Variants in PCDH9 observed in about 807,000 individuals in gnomAD.
PCDH9 encodes the protein protocadherin-9.
Under a neutral mutation model 70.6 loss-of-function variants are expected in PCDH9, and 24 were observed. That is an observed-to-expected ratio of 0.34 (90% CI 0.25 to 0.48). The LOEUF (loss-of-function observed/expected upper bound fraction) is 0.48. PCDH9 is among the 20% of genes least tolerant of loss of function. PCDH9 has a pLI of 0.99. For missense variants in PCDH9, 1,281 were observed against 1,503.6 expected (o/e 0.85, Z 2.45); for synonymous variants, 562 against 558.5 (o/e 1.01, Z -0.09).
chr13:66,569,511 T>A (rs2076702680), intron 4 of PCDH9, among the ~76,000 whole-genome samples: 1 of 152,210 alleles, frequency 6.6e-6, no homozygotes, highest in Admixed American at 6.5e-5. Flanking sequence ...AGTGTCATTA[T>A]ATGTCATTGT....
chr13:66,496,562 A>G (rs117266616), intron 4 of PCDH9, among the ~76,000 whole-genome samples: 5,099 of 152,278 alleles, frequency 0.033, 136 homozygotes, highest in South Asian at 0.11. Context: ...ATAAATAAAT[A>G]TTTTATGTGA....
rs562296607 is a variant in PCDH9, at chr13:66,951,790, C to T, written c.3037-48185G>A. ...GAGGGTAGTTTGGAGGTTACATGTT[C>T]CTTTCTTGATAACAACCTAATTTCC... On this transcript the variant is annotated intron_variant, in intron 2 of 4. Coordinates refer to ENST00000377865, the MANE Select transcript of PCDH9 (RefSeq NM_203487.3). Among the ~76,000 whole-genome samples, 6 of 152,262 alleles carry T rather than the reference C, an allele frequency of 3.9e-5. No homozygotes were observed. The South Asian group carries it at 1.2e-3, about 32-fold the overall frequency.
intron 4 of PCDH9, among the ~76,000 whole-genome samples, chr13:66,623,265 G>A (rs1027993928): frequency 6.6e-6 from 1 of 152,184 alleles, no homozygotes; most frequent in Non-Finnish European, 1.5e-5. Flanking sequence ...TTAAAGATAA[G>A]ATGAGTGTCC....
At chr13:67,006,305 G>T (rs574082382) in intron 2 of PCDH9, among the ~76,000 whole-genome samples, 8 of 152,246 alleles carry the variant, frequency 5.3e-5, no homozygotes, top group Non-Finnish European at 7.4e-5. Flanking sequence ...AGACCTAAAA[G>T]AATTTGAAAC....
intron 2 of PCDH9, among the ~76,000 whole-genome samples, chr13:66,937,854 A>G (rs2082942520): frequency 6.6e-6 from 1 of 151,284 alleles, no homozygotes. Flanking sequence ...TGTTCTGACC[A>G]TGAGGTACCC....
At chr13:66,765,351 T>G (rs1390441916) in intron 3 of PCDH9, among the ~76,000 whole-genome samples, 1 of 152,018 alleles carries the variant, frequency 6.6e-6, no homozygotes, top group African/African-American at 2.4e-5. Flanking sequence ...ATTTTTAACT[T>G]TTCTATCTGG....
intron 4 of PCDH9, among the ~76,000 whole-genome samples, chr13:66,438,040 T>C (rs1593979455): frequency 6.6e-6 from 1 of 151,716 alleles, no homozygotes; most frequent in Non-Finnish European, 1.5e-5. Flanking sequence ...TCAAGACAAG[T>C]TTGGCCAATA....
In PCDH9 at chr13:66,303,666, G is replaced by A. The variant is rs879210962; in HGVS notation, c.*989C>T. The A allele has an allele frequency of 6.6e-6, 1 of 152,432 alleles. No individual in the cohort carries two copies. The highest frequency in any genetic ancestry group is 2.4e-5 in the African/African-American group (1 of 41,416). 9.4% of individuals were successfully genotyped at this position (152,432 alleles called of 1,614,324 possible). On this transcript the variant is annotated 3_prime_UTR_variant, in exon 5 of 5. Coordinates refer to ENST00000377865, the MANE Select transcript of PCDH9 (RefSeq NM_203487.3). ...TACATTAGTTTTACATGAGTGACAA[G>A]TACAGGATATTATATCACTTTTGAT...
chr13:66,892,237 T>A (rs1386010287), intron 3 of PCDH9, among the ~76,000 whole-genome samples: 1 of 148,588 alleles, frequency 6.7e-6, no homozygotes, highest in African/African-American at 2.5e-5. Flanking sequence ...ATATAATGTG[T>A]GTGTGTATAT....
At chr13:66,593,071 T>G (rs2077057173) in intron 4 of PCDH9, among the ~76,000 whole-genome samples, 1 of 151,726 alleles carries the variant, frequency 6.6e-6, no homozygotes, top group African/African-American at 2.4e-5. Context: ...CAATGAATCC[T>G]TAAATCTCTA....
intron 2 of PCDH9, among the ~76,000 whole-genome samples, chr13:67,015,773 T>C (rs1356849926): frequency 1.3e-5 from 2 of 152,194 alleles, no homozygotes; most frequent in Non-Finnish European, 2.9e-5. Context: ...ATAATTGTTC[T>C]CTTCATTCTA....
intron 4 of PCDH9, among the ~76,000 whole-genome samples, chr13:66,441,754 A>G (rs1957978010): frequency 6.6e-6 from 1 of 152,058 alleles, no homozygotes; most frequent in Non-Finnish European, 1.5e-5. Flanking sequence ...TTAACAATTT[A>G]GGGAAGGAAA....
At chr13:66,934,808 C>T (rs1410926988) in intron 2 of PCDH9, among the ~76,000 whole-genome samples, 1 of 139,502 alleles carries the variant, frequency 7.2e-6, no homozygotes, top group Non-Finnish European at 1.5e-5. Flanking sequence ...GCAAGCTCCG[C>T]CTCCCGGGTT....
At chr13:67,144,066 C>T (rs1566452863) in intron 2 of PCDH9, among the ~76,000 whole-genome samples, 1 of 151,834 alleles carries the variant, frequency 6.6e-6, no homozygotes, top group Admixed American at 6.6e-5. Context: ...CCAAGGAAGG[C>T]AAAAAGGTAT....
At chr13:66,356,991 A>G (rs1014168366) in intron 4 of PCDH9, among the ~76,000 whole-genome samples, 1 of 151,926 alleles carries the variant, frequency 6.6e-6, no homozygotes, top group African/African-American at 2.4e-5. Context: ...CCGCCTTTCC[A>G]TTTCCCCATA....
chr13:66,834,394 G>A (rs563501240), intron 3 of PCDH9, among the ~76,000 whole-genome samples: 4 of 151,964 alleles, frequency 2.6e-5, no homozygotes, highest in South Asian at 2.1e-4. Context: ...CACCCGCCTC[G>A]GCCTCCCAGA....
chr13:66,677,460 T>C (rs1191555712), intron 3 of PCDH9, among the ~76,000 whole-genome samples: 1 of 152,070 alleles, frequency 6.6e-6, no homozygotes, highest in East Asian at 1.9e-4. Flanking sequence ...CCCACCCAAA[T>C]CTCATGTTTA....
At chr13:67,002,190 T>C (rs2084259354) in intron 2 of PCDH9, among the ~76,000 whole-genome samples, 1 of 152,100 alleles carries the variant, frequency 6.6e-6, no homozygotes, top group African/African-American at 2.4e-5. Flanking sequence ...GAAAGCAGAG[T>C]AATTATGAAG....
At chr13:66,987,812 T>C (rs1419318878) in intron 2 of PCDH9, among the ~76,000 whole-genome samples, 1 of 152,054 alleles carries the variant, frequency 6.6e-6, no homozygotes, top group Admixed American at 6.6e-5. Context: ...TTTGAAAATG[T>C]CAAATGGATT....
Sources: allele counts gnomAD v4.1 joint callset (sites outside exome capture counted in the v4.1 genomes callset), GRCh38; gene constraint gnomAD v4.1.1; transcripts MANE v1.5; gene names NCBI Gene and HGNC (gene_info 2026-07-23, HGNC 2026-07-21).